Variants in CNGA2 observed in about 807,000 individuals in gnomAD.
CNGA2 encodes cyclic nucleotide-gated channel alpha-2.
Under a neutral mutation model 35.9 loss-of-function variants are expected in CNGA2, and 22 were observed. The observed-to-expected ratio is 0.61, with a 90% CI of 0.44 to 0.88. CNGA2 has a LOEUF of 0.88. Among genes scored for constraint, CNGA2 ranks in the 40% least tolerant of loss-of-function variants. The pLI is 0.00. For missense variants in CNGA2, 555 were observed against 530.8 expected, an observed-to-expected ratio of 1.05 and a Z score of -0.45; for synonymous variants, 217 against 209.2, an observed-to-expected ratio of 1.04 and a Z score of -0.32.
rs781540740 is a variant in CNGA2 at position 151,737,872 on chromosome X, G to A, written c.-26-586G>A. 1.8e-3 allele frequency among the ~76,000 whole-genome samples: 188 copies of A among 105,376 alleles called. 2 individuals are homozygous for A. The highest frequency in any genetic ancestry group is 6.2e-3 in the African/African-American group (179 of 28,812). The allele number at this position is 105,376 out of a possible 115,157, so 91.5% of individuals were successfully genotyped here. On this transcript the variant is annotated intron_variant, in intron 1 of 6. Coordinates refer to ENST00000329903, the MANE Select transcript of CNGA2 (RefSeq NM_005140.3). ...AGCCCTGGCCCAAGGGAGGAGGTGC[G>A]TCTCCCTGGCCCAGAGCAGCTGCTC...
intron 6 of CNGA2, among the ~76,000 whole-genome samples, 168 bp from the exon 7 acceptor site, chrX:151,742,925 G>GATATATATATATATATATATATACATAC (rs34829464): frequency 3.3e-5 from 2 of 61,435 alleles, no homozygotes; most frequent in African/African-American, 2.0e-4. Context: ...TATAGGGAAG[G>GATATATATATATATATATATATACATAC]ATATATATAT....
intron 3 of CNGA2, among the ~76,000 whole-genome samples, chrX:151,739,163 G>A (rs1335151951): frequency 8.9e-6 from 1 of 112,659 alleles, no homozygotes; most frequent in East Asian, 2.8e-4. Context: ...AGGACCCAAG[G>A]CCTCTCTGTC....
At position 151,740,838 on chromosome X, in the gene CNGA2, A is replaced by G. The variant is rs375501678; in HGVS notation, c.419A>G (p.Tyr140Cys). 1.2e-5 allele frequency: 14 copies of G among 1,210,846 alleles called. No homozygotes were observed. Among genetic ancestry groups the G allele is most frequent in the Non-Finnish European group, 1.5e-5 (13 of 894,801 alleles). ...GTCTTGGACCCAGCTGGGGATTGGT[A>G]CTACTGCTGGCTATTTGTCATTGCC... ...LFVLDPAGDWYYCWLFVIAMP... is the reference protein window; with the variant it reads ...LFVLDPAGDWCYCWLFVIAMP... The change falls in exon 5 of 7, where the codon TAC becomes TGC. Residue 140 changes from tyrosine (Y) to cysteine (C), a missense_variant. Physicochemically the swap from Tyr to Cys is radical, Grantham distance 194. Transcript: ENST00000329903.
chrX:151,739,886 G>A (rs776879829), intron 4 of CNGA2, among the ~76,000 whole-genome samples, 154 bp downstream of exon 4: 25 of 112,434 alleles, frequency 2.2e-4, no homozygotes, highest in Non-Finnish European at 2.8e-4. Context: ...TTCACCTCCA[G>A]AATATTTCCA....
rs761812213 is a variant in CNGA2, at chrX:151,744,325, A to C, written c.1822A>C (p.Met608Leu). 7 of 1,211,310 alleles carry C rather than the reference A, an allele frequency of 5.8e-6. No individual in the cohort carries two copies. In the South Asian group the frequency reaches 1.1e-4, roughly 18 times the overall value. ...GAAGCTAGGGCAGCTGGAGACCAAC[A>C]TGGAAACCTTGTACACTCGCTTTGG... ...QEKLGQLETN[M>L]ETLYTRFGRL... Residue 608 changes from methionine to leucine, a missense_variant, in exon 7 of 7, where the codon ATG (methionine) becomes CTG (leucine). Transcript: ENST00000329903.
At chrX:151,737,899 C>T (rs1467543556) in intron 1 of CNGA2, among the ~76,000 whole-genome samples, 1 of 106,457 alleles carries the variant, frequency 9.4e-6, no homozygotes, top group African/African-American at 3.4e-5. Context: ...CAGCTGCTCT[C>T]TACCCCACAC....
At chrX:151,741,378 T>C (rs1194337646) in intron 5 of CNGA2, among the ~76,000 whole-genome samples, 1 of 111,892 alleles carries the variant, frequency 8.9e-6, no homozygotes, top group Non-Finnish European at 1.9e-5. Context: ...TGGAGATTCT[T>C]CTCCTTGCAG....
Position 151,743,163 on chromosome X carries a change from G to A in CNGA2, c.660G>A (p.Gln220=). ...KLRDNYIHTL[Q]FKLDVASIIP... ...GAGACAACTACATCCACACCCTGCA[G>A]TTCAAGCTGGATGTGGCTTCCATCA... Residue 220 remains glutamine, a synonymous_variant, in exon 7 of 7, where the codon CAG becomes CAA. Coordinates refer to ENST00000329903, the MANE Select transcript of CNGA2 (RefSeq NM_005140.3). 1 of 1,204,950 alleles carries A rather than the reference G, an allele frequency of 8.3e-7. No individual in the cohort carries two copies. The highest frequency in any genetic ancestry group is 1.1e-6 in the Non-Finnish European group (1 of 893,683).
rs1376438596 is a variant in CNGA2 at position 151,738,818 on chromosome X, T to C, written c.142T>C (p.Ser48Pro). Residue 48 changes from serine to proline, a missense_variant, in exon 3 of 7, where the codon TCA becomes CCA. By Grantham distance (74) the Ser-to-Pro change is moderately conservative. Coordinates refer to ENST00000329903, the MANE Select transcript of CNGA2 (RefSeq NM_005140.3). ...CTCTGCAGCTGACGATGACACCTCC[T>C]CAGAACTGCAGAGGCTGGCAGACGT... ...PHSAADDDTS[S>P]ELQRLADVDA... The C allele has an allele frequency of 8.5e-7, 1 of 1,178,344 alleles. No individual in the cohort carries two copies.
At chrX:151,740,926 G>A (rs764917889) in intron 5 of CNGA2, 25 bp downstream of exon 5, 1 of 1,132,460 alleles carries the variant, frequency 8.8e-7, no homozygotes, top group Non-Finnish European at 1.2e-6. Context: ...GCCCAGGAGG[G>A]GTGGCCAAAG....
At chrX:151,742,832 G>T (rs1352116241) in intron 6 of CNGA2, among the ~76,000 whole-genome samples, 190 bp downstream of exon 6, 2 of 97,852 alleles carry the variant, frequency 2.0e-5, no homozygotes, top group African/African-American at 7.8e-5. Context: ...AGTCCTTCTG[G>T]CCAGCCCTGG....
chrX:151,736,335 A>G (rs1219836609), intron 1 of CNGA2, among the ~76,000 whole-genome samples: 2 of 112,197 alleles, frequency 1.8e-5, no homozygotes, highest in African/African-American at 3.2e-5. Context: ...CTGGAGAGCC[A>G]TGTTGAAGGC....
intron 1 of CNGA2, among the ~76,000 whole-genome samples, chrX:151,736,097 C>G (rs1569427241): frequency 8.9e-6 from 1 of 111,862 alleles, no homozygotes; most frequent in Non-Finnish European, 1.9e-5. Context: ...CCTCATGTTT[C>G]TCACATCCCC....
In CNGA2 at chrX:151,743,780, G is replaced by A. The variant is rs2015342738; in HGVS notation, c.1277G>A (p.Arg426Gln). ...ACCAATAAGAAGACAGTGGATGAGCGAGAAATTCTCAAGAATCTGCCAGCC... is the reference window on the plus strand; with the variant it reads ...ACCAATAAGAAGACAGTGGATGAGCAAGAAATTCTCAAGAATCTGCCAGCC... ...LWTNKKTVDEREILKNLPAKL... is the reference protein window; with the variant it reads ...LWTNKKTVDEQEILKNLPAKL... The change falls in exon 7 of 7, where the codon CGA becomes CAA. Residue 426 changes from arginine to glutamine, a missense_variant. By Grantham distance (43) the Arg-to-Gln change is conservative. Coordinates refer to ENST00000329903, the MANE Select transcript of CNGA2 (RefSeq NM_005140.3). 3.3e-6 allele frequency: 4 copies of A among 1,211,705 alleles called. No individual in the cohort carries two copies. Among genetic ancestry groups the A allele is most frequent in the African/African-American group, 1.7e-5 (1 of 57,768 alleles).
chrX:151,734,916 C>T lies in CNGA2; in HGVS notation c.-54C>T, dbSNP rs2015232440. Among the ~76,000 whole-genome samples, 1 of 111,746 alleles carries T rather than the reference C, an allele frequency of 8.9e-6. No homozygotes were observed. The highest frequency in any genetic ancestry group is 1.9e-5 in the Non-Finnish European group (1 of 53,156). On this transcript the variant is annotated 5_prime_UTR_variant, in exon 1 of 7. Coordinates refer to ENST00000329903, the MANE Select transcript of CNGA2 (RefSeq NM_005140.3). ...ACTGCCAGACACTTCTTTCTAAACT[C>T]AGCACCCAGCAAAGGACCTGGCACA...
chrX:151,739,570 G>T lies in CNGA2; in HGVS notation c.212G>T (p.Arg71Leu). 5.8e-6 allele frequency: 7 copies of T among 1,210,986 alleles called. No individual in the cohort carries two copies. The highest frequency in any genetic ancestry group is 7.8e-6 in the Non-Finnish European group (7 of 895,118). Residue 71 changes from arginine to leucine, a missense_variant, in exon 4 of 7, where the codon CGC becomes CTC. Arg to Leu is a moderately radical substitution (Grantham distance 102, BLOSUM62 -2). Coordinates refer to ENST00000329903, the MANE Select transcript of CNGA2 (RefSeq NM_005140.3). Reference protein sequence around the residue: ...QGRSGFRRIVRLVGIIREWAN... With the variant: ...QGRSGFRRIVLLVGIIREWAN... The stretch of plus-strand genomic sequence containing the variant: ...TTTTCTCTCACCTCTAGGATAGTTC[G>T]CCTGGTGGGGATCATCAGAGAATGG...
In CNGA2 at chrX:151,743,148, C is replaced by T. The variant is rs768183199; in HGVS notation, c.645C>T (p.Tyr215=). 1.5e-5 allele frequency: 18 copies of T among 1,193,661 alleles called. No individual in the cohort carries two copies. The highest frequency in any genetic ancestry group is 2.3e-4 in the Middle Eastern group (1 of 4,340). The change falls in exon 7 of 7, where the codon TAC becomes TAT. Residue 215 remains tyrosine, a synonymous_variant. Transcript: ENST00000329903. ...ATACCAAGAAACTGCGAGACAACTA[C>T]ATCCACACCCTGCAGTTCAAGCTGG... ...VKDTKKLRDN[Y]IHTLQFKLDV...
Position 151,743,249 on chromosome X carries a change from G to T in CNGA2, c.746G>T (p.Arg249Leu). The change falls in exon 7 of 7, where the codon CGC becomes CTC. Residue 249 changes from arginine (R) to leucine (L), a missense_variant. Transcript: ENST00000329903. ...DIHSPEVRFN[R>L]LLHFARMFEF... ...CACAGCCCTGAGGTGCGCTTCAACC[G>T]CCTGCTGCACTTTGCCCGCATGTTT... 1 of 1,207,531 alleles carries T rather than the reference G, an allele frequency of 8.3e-7. No homozygotes were observed. Among genetic ancestry groups the T allele is most frequent in the South Asian group, 1.8e-5 (1 of 56,698 alleles).
chrX:151,739,775 T>C, intron 4 of CNGA2, 43 bp downstream of exon 4: 1 of 1,180,644 alleles, frequency 8.5e-7, no homozygotes, highest in Non-Finnish European at 1.1e-6. Flanking sequence ...GCTTTAAGCA[T>C]GCAATGGAAG....
Sources: gnomAD v4.1 joint callset for allele counts (sites outside exome capture counted in the v4.1 genomes callset) on GRCh38, gnomAD v4.1.1 for gene constraint, MANE v1.5 for transcripts, NCBI Gene and HGNC (gene_info 2026-07-23, HGNC 2026-07-21) for gene names.